Variants in USP32 observed in about 807,000 individuals in gnomAD.
USP32 encodes the protein ubiquitin carboxyl-terminal hydrolase 32.
A neutral mutation model predicts 204.8 loss-of-function variants in USP32; 59 were observed. The observed-to-expected ratio is 0.29, with a 90% CI of 0.23 to 0.36. The LOEUF is 0.36. USP32 is among the 10% of genes least tolerant of loss of function. The pLI is 1.00. For missense variants in USP32, 1,160 were observed against 1,946.4 expected (o/e 0.60, Z 7.60); for synonymous variants, 517 against 678.4 (o/e 0.76, Z 3.70).
chr17:60,314,595 C>T (rs2087930471), intron 2 of USP32, among the ~76,000 whole-genome samples: 2 of 152,164 alleles, frequency 1.3e-5, no homozygotes, highest in East Asian at 1.9e-4. Context: ...TAATCAGTCT[C>T]AGTAACCTGT....
At chr17:60,210,737 AG>A (rs1232976610) in intron 21 of USP32, among the ~76,000 whole-genome samples, 1 of 152,292 alleles carries the variant, frequency 6.6e-6, no homozygotes, top group Non-Finnish European at 1.5e-5. Flanking sequence ...TTACCAAAAA[AG>A]GTTTACTCTT....
intron 1 of USP32, among the ~76,000 whole-genome samples, chr17:60,381,972 A>C (rs2089653672): frequency 6.6e-6 from 1 of 152,176 alleles, no homozygotes; most frequent in African/African-American, 2.4e-5. Context: ...TGCAATATTT[A>C]CTTTTTTTGT....
chr17:60,410,561 A>G (rs111911459), intron 1 of USP32, among the ~76,000 whole-genome samples: 5,276 of 152,060 alleles, frequency 0.035, 315 homozygotes, highest in African/African-American at 0.12. Flanking sequence ...CCAGCTACTC[A>G]GGAGGCTGAG....
intron 1 of USP32, among the ~76,000 whole-genome samples, chr17:60,372,710 T>C (rs1023757223): frequency 6.7e-6 from 1 of 149,680 alleles, no homozygotes; most frequent in East Asian, 2.0e-4. Context: ...TTTCCCAGGC[T>C]TGGTGGCATG....
At chr17:60,368,525 G>A (rs73320777) in intron 1 of USP32, among the ~76,000 whole-genome samples, 5,283 of 152,034 alleles carry the variant, frequency 0.035, 314 homozygotes, top group African/African-American at 0.12. Flanking sequence ...ATTGCGGTTG[G>A]GGGGCGGGGG....
chr17:60,254,093 A>G (rs1363093474), intron 10 of USP32, among the ~76,000 whole-genome samples: 3 of 152,224 alleles, frequency 2.0e-5, no homozygotes, highest in Non-Finnish European at 2.9e-5. Context: ...AACATACTAA[A>G]CCATTCTGAC....
At chr17:60,405,696 G>A (rs548168505) in intron 1 of USP32, among the ~76,000 whole-genome samples, 1 of 152,260 alleles carries the variant, frequency 6.6e-6, no homozygotes, top group South Asian at 2.1e-4. Context: ...TGGGGAGGTG[G>A]AGGCTGCAGT....
chr17:60,317,999 C>A (rs1315533143), intron 2 of USP32, among the ~76,000 whole-genome samples: 2 of 152,066 alleles, frequency 1.3e-5, no homozygotes, highest in Non-Finnish European at 2.9e-5. Flanking sequence ...AAACAGAAAA[C>A]AAACAAACAA....
intron 5 of USP32, 133 bp downstream of exon 5, chr17:60,288,390 C>T (rs2087177730): frequency 2.9e-5 from 32 of 1,088,888 alleles, no homozygotes; most frequent in Non-Finnish European, 3.7e-5. Flanking sequence ...CCGTAAGCCA[C>T]GATGGTGCCA....
At chr17:60,419,194 C>T (rs895947100) in intron 1 of USP32, among the ~76,000 whole-genome samples, 7 of 152,076 alleles carry the variant, frequency 4.6e-5, no homozygotes, top group African/African-American at 1.4e-4. Flanking sequence ...TAAAAAAGAA[C>T]GAGATCATGT....
At chr17:60,213,939 T>G (rs1240094552) in intron 17 of USP32, among the ~76,000 whole-genome samples, 3 of 151,612 alleles carry the variant, frequency 2.0e-5, no homozygotes, top group Non-Finnish European at 4.4e-5. Flanking sequence ...ATACGTTTTG[T>G]TTTTTGTTTT....
chr17:60,192,624 G>A (rs1459664893), intron 28 of USP32, among the ~76,000 whole-genome samples: 2 of 152,158 alleles, frequency 1.3e-5, no homozygotes, highest in African/African-American at 4.8e-5. Context: ...TAGTAGAGAC[G>A]AGGTTTTACT....
intron 12 of USP32, among the ~76,000 whole-genome samples, chr17:60,233,369 A>G (rs2085626578): frequency 6.6e-6 from 1 of 152,098 alleles, no homozygotes; most frequent in Non-Finnish European, 1.5e-5. Context: ...AGGAGGTGGG[A>G]GAATTGCCTC....
chr17:60,401,344 T>C (rs1431302492), intron 1 of USP32, among the ~76,000 whole-genome samples: 2 of 152,082 alleles, frequency 1.3e-5, no homozygotes, highest in Non-Finnish European at 2.9e-5. Flanking sequence ...CACTCCAGCC[T>C]GGGCGACAGA....
At chr17:60,342,466 C>A (rs1363044825) in intron 2 of USP32, among the ~76,000 whole-genome samples, 1 of 152,232 alleles carries the variant, frequency 6.6e-6, no homozygotes, top group African/African-American at 2.4e-5. Flanking sequence ...TCGGAGCTGT[C>A]AGACAGGGAC....
intron 12 of USP32, among the ~76,000 whole-genome samples, chr17:60,226,791 G>A (rs2085403453): frequency 6.6e-6 from 1 of 152,000 alleles, no homozygotes; most frequent in South Asian, 2.1e-4. Context: ...TACAATAACT[G>A]AACACACCTT....
At chr17:60,252,577 G>T in intron 10 of USP32, 135 bp from the exon 11 acceptor site, 2 of 608,284 alleles carry the variant, frequency 3.3e-6, no homozygotes, top group Non-Finnish European at 2.7e-6. Flanking sequence ...ATTCACTTGA[G>T]CAAATTTTAA....
intron 1 of USP32, among the ~76,000 whole-genome samples, chr17:60,355,887 TA>T (rs58715953): frequency 0.013 from 666 of 51,492 alleles, 10 homozygotes; most frequent in African/African-American, 0.033. Flanking sequence ...TGAACCTCTG[TA>T]AAAAAAAAAA....
chr17:60,247,626 A>C (rs1390890311), intron 11 of USP32, among the ~76,000 whole-genome samples: 1 of 152,020 alleles, frequency 6.6e-6, no homozygotes, highest in Non-Finnish European at 1.5e-5. Flanking sequence ...CATCTTTGTC[A>C]AAAAAGAGTT....
Sources: allele counts gnomAD v4.1 joint callset (sites outside exome capture counted in the v4.1 genomes callset), GRCh38; gene constraint gnomAD v4.1.1; transcripts MANE v1.5; gene names NCBI Gene and HGNC (gene_info 2026-07-23, HGNC 2026-07-21).